Variants in GRB14 observed in about 807,000 individuals in gnomAD.
The protein encoded by GRB14 is growth factor receptor bound protein 14.
In GRB14, 38 loss-of-function variants were observed where a neutral mutation model predicts 69.1. The ratio of observed to expected loss-of-function variants is 0.55; its 90% confidence interval spans 0.42 to 0.72. GRB14 has a LOEUF of 0.72. Among genes scored for constraint, GRB14 ranks in the 30% least tolerant of loss-of-function variants. The probability of loss-of-function intolerance (pLI) is 0.00; values close to 1 mark genes in which losing one functional copy is unlikely to be tolerated. For synonymous variants in GRB14, 247 were observed against 241.3 expected (o/e 1.02, Z -0.22); for missense variants, 666 against 666.1 (o/e 1.00, Z 0.00).
intron 2 of GRB14, among the ~76,000 whole-genome samples, chr2:164,588,782 G>C (rs1281676295): frequency 2.6e-5 from 4 of 152,116 alleles, no homozygotes; most frequent in Non-Finnish European, 5.9e-5. Flanking sequence ...ATTAACAAAA[G>C]AGAGACCATT....
chr2:164,576,163 G>A (rs778277305), intron 2 of GRB14, among the ~76,000 whole-genome samples: 8 of 151,616 alleles, frequency 5.3e-5, no homozygotes, highest in African/African-American at 1.5e-4. Flanking sequence ...GATTATAAAC[G>A]TCTCGGTGTC....
At chr2:164,589,989 G>C (rs903568667) in intron 2 of GRB14, among the ~76,000 whole-genome samples, 1 of 152,014 alleles carries the variant, frequency 6.6e-6, no homozygotes, top group Non-Finnish European at 1.5e-5. Context: ...CTAGCTCTCA[G>C]GTCCCTTTTA....
At chr2:164,514,646 T>G (rs998845318) in intron 6 of GRB14, among the ~76,000 whole-genome samples, 1 of 151,946 alleles carries the variant, frequency 6.6e-6, no homozygotes, top group African/African-American at 2.4e-5. Context: ...GAAGGAAAAT[T>G]CCAGCTGAAC....
chr2:164,620,784 A>G (rs1159270801), intron 1 of GRB14, among the ~76,000 whole-genome samples: 1 of 152,192 alleles, frequency 6.6e-6, no homozygotes, highest in Non-Finnish European at 1.5e-5. Flanking sequence ...TTTTTAAAAT[A>G]TATAAAATAA....
rs781245228 is a variant in GRB14, at chr2:164,497,409, G to A, written c.1186C>T (p.Leu396Phe). ...AGTCCTTCTTCAACCGCAACTGAAA[G>A]GGCTTCAGTGGGATTTTCTATAACT... is the stretch of plus-strand genomic sequence containing the variant. ...SRVIENPTEALSVAVEEGLAW... is the reference protein window; with the variant it reads ...SRVIENPTEAFSVAVEEGLAW... The change falls in exon 10 of 14, where the codon CTT (leucine) becomes TTT (phenylalanine). Residue 396 changes from leucine to phenylalanine, a missense_variant. Leu to Phe is a conservative substitution (Grantham distance 22, BLOSUM62 0). Coordinates refer to ENST00000263915, the MANE Select transcript of GRB14 (RefSeq NM_004490.3). 10 of 1,613,526 alleles carry A rather than the reference G, an allele frequency of 6.2e-6. 1 individual carries two copies. The South Asian group carries it at 1.1e-4, about 18-fold the overall frequency.
intron 6 of GRB14, among the ~76,000 whole-genome samples, chr2:164,512,235 C>T (rs1420962205): frequency 6.6e-6 from 1 of 152,128 alleles, no homozygotes; most frequent in Admixed American, 6.5e-5. Context: ...GGCGTGATCT[C>T]GGCTCACTGC....
At chr2:164,617,116 A>G (rs1209823236) in intron 2 of GRB14, among the ~76,000 whole-genome samples, 1 of 152,196 alleles carries the variant, frequency 6.6e-6, no homozygotes, top group Non-Finnish European at 1.5e-5. Context: ...GGAAAAAGGA[A>G]GCATAAAATA....
intron 2 of GRB14, among the ~76,000 whole-genome samples, chr2:164,599,805 T>C (rs1689872754): frequency 6.6e-6 from 1 of 152,210 alleles, no homozygotes; most frequent in African/African-American, 2.4e-5. Context: ...AAGATATCTG[T>C]CTGTTGTAGA....
At chr2:164,536,564 C>A (rs1219331157) in intron 3 of GRB14, among the ~76,000 whole-genome samples, 1 of 152,110 alleles carries the variant, frequency 6.6e-6, no homozygotes, top group African/African-American at 2.4e-5. Context: ...TTGTCGTTTT[C>A]TCTTGCTCTA....
intron 2 of GRB14, among the ~76,000 whole-genome samples, chr2:164,560,674 C>T (rs1363936567): frequency 1.3e-5 from 2 of 151,996 alleles, no homozygotes; most frequent in African/African-American, 2.4e-5. Context: ...GCTGGGATTT[C>T]GAACAGTTAT....
At chr2:164,555,246 T>C (rs891162230) in intron 2 of GRB14, among the ~76,000 whole-genome samples, 3 of 152,228 alleles carry the variant, frequency 2.0e-5, no homozygotes, top group Admixed American at 2.0e-4. Context: ...ATATTTGAAA[T>C]GAATTCAGCA....
intron 2 of GRB14, among the ~76,000 whole-genome samples, chr2:164,576,780 T>A: frequency 6.7e-6 from 1 of 148,838 alleles, no homozygotes; most frequent in African/African-American, 2.5e-5. Flanking sequence ...CCTAAGGAAA[T>A]CAGAAAGAAT....
At chr2:164,559,262 T>A (rs547883752) in intron 2 of GRB14, among the ~76,000 whole-genome samples, 4 of 152,278 alleles carry the variant, frequency 2.6e-5, no homozygotes, top group African/African-American at 9.6e-5. Context: ...TTTCCTTCAT[T>A]TTTCTAAATA....
intron 2 of GRB14, among the ~76,000 whole-genome samples, chr2:164,586,656 A>G (rs922007169): frequency 1.3e-5 from 2 of 152,210 alleles, no homozygotes; most frequent in African/African-American, 4.8e-5. Flanking sequence ...CTTGAGGAAG[A>G]CCAGAGTCAT....
chr2:164,579,431 T>A (rs1318289011), intron 2 of GRB14, among the ~76,000 whole-genome samples: 4 of 152,138 alleles, frequency 2.6e-5, no homozygotes, highest in Non-Finnish European at 5.9e-5. Flanking sequence ...CCAGAGCCTA[T>A]CCTGGCAGCT....
intron 2 of GRB14, among the ~76,000 whole-genome samples, chr2:164,569,421 T>A (rs1399470569): frequency 6.6e-6 from 1 of 152,206 alleles, no homozygotes; most frequent in Non-Finnish European, 1.5e-5. Context: ...TTGTAAAATC[T>A]CTTCTGGACT....
intron 2 of GRB14, among the ~76,000 whole-genome samples, chr2:164,551,946 C>T (rs1468891310): frequency 6.6e-6 from 1 of 152,200 alleles, no homozygotes; most frequent in African/African-American, 2.4e-5. Flanking sequence ...GCATCTGCTT[C>T]TGGTAAGGAG....
At chr2:164,576,279 C>A (rs1689248674) in intron 2 of GRB14, among the ~76,000 whole-genome samples, 1 of 147,620 alleles carries the variant, frequency 6.8e-6, no homozygotes, top group Non-Finnish European at 1.5e-5. Context: ...GCCTGAATAA[C>A]AAGAGAATTA....
intron 6 of GRB14, among the ~76,000 whole-genome samples, chr2:164,512,144 GT>G (rs1164814877): frequency 1.3e-5 from 2 of 152,010 alleles, no homozygotes; most frequent in Non-Finnish European, 2.9e-5. Context: ...GATTTCCAAG[GT>G]TTTTTGTTTA....
Sources: allele counts gnomAD v4.1 joint callset (sites outside exome capture counted in the v4.1 genomes callset), GRCh38; gene constraint gnomAD v4.1.1; transcripts MANE v1.5; gene names NCBI Gene and HGNC (gene_info 2026-07-23, HGNC 2026-07-21).